ACER3: variants seen among roughly 807,000 people sequenced by gnomAD.
ACER3 encodes alkaline ceramidase 3, also known as alkCDase 3.
Under a neutral mutation model 48.9 loss-of-function variants are expected in ACER3, and 16 were observed. The observed-to-expected ratio is 0.33, with a 90% confidence interval of 0.22 to 0.50. The LOEUF is 0.50. ACER3 is among the 20% of genes least tolerant of loss of function. The pLI is 0.98. For missense variants in ACER3, 227 were observed against 326.0 expected (o/e 0.70, Z 2.34); for synonymous variants, 109 against 107.8 (o/e 1.01, Z -0.07).
At chr11:76,976,362 A>C (rs768113099) in intron 4 of ACER3, 21 bp downstream of exon 4, 2 of 1,472,026 alleles carry the variant, frequency 1.4e-6, no homozygotes, top group Non-Finnish European at 1.9e-6. Flanking sequence ...TTAAAATTTC[A>C]TTGTTTGATT....
chr11:76,903,912 C>T (rs1372644750), intron 1 of ACER3, among the ~76,000 whole-genome samples: 2 of 152,186 alleles, frequency 1.3e-5, no homozygotes, highest in Non-Finnish European at 2.9e-5. Flanking sequence ...ATTATTCTCT[C>T]TGAAGTCTCC....
chr11:76,949,121 T>G (rs1947564878), intron 2 of ACER3, among the ~76,000 whole-genome samples: 1 of 152,150 alleles, frequency 6.6e-6, no homozygotes, highest in African/African-American at 2.4e-5. Flanking sequence ...CTTGAAAAAC[T>G]TTGGCTGGTA....
chr11:76,979,995 A>G (rs1276841433), intron 4 of ACER3, among the ~76,000 whole-genome samples: 1 of 151,884 alleles, frequency 6.6e-6, no homozygotes, highest in Non-Finnish European at 1.5e-5. Context: ...AAAATTAGCC[A>G]GGCATGGTAG....
At chr11:76,894,431 T>A (rs1945881257) in intron 1 of ACER3, among the ~76,000 whole-genome samples, 1 of 152,192 alleles carries the variant, frequency 6.6e-6, no homozygotes, top group East Asian at 1.9e-4. Flanking sequence ...CATGTAATTG[T>A]CACAAAAATT....
intron 1 of ACER3, among the ~76,000 whole-genome samples, chr11:76,913,151 C>A (rs1306829721): frequency 1.3e-5 from 2 of 152,156 alleles, no homozygotes; most frequent in East Asian, 3.9e-4. Context: ...GGAATTCACT[C>A]ATGATTTGGC....
intron 1 of ACER3, among the ~76,000 whole-genome samples, chr11:76,918,077 C>CT (rs1239210788): frequency 6.6e-6 from 1 of 152,074 alleles, no homozygotes; most frequent in Admixed American, 6.6e-5. Flanking sequence ...GTTTACCTGT[C>CT]TGTCTTTCCT....
intron 3 of ACER3, among the ~76,000 whole-genome samples, chr11:76,967,677 C>G (rs938933603): frequency 1.2e-4 from 18 of 152,250 alleles, no homozygotes; most frequent in African/African-American, 3.6e-4. Flanking sequence ...ATAAACAGAA[C>G]CAAAGACAAA....
At chr11:76,928,361 G>A (rs1042966199) in intron 2 of ACER3, among the ~76,000 whole-genome samples, 1 of 152,024 alleles carries the variant, frequency 6.6e-6, no homozygotes, top group Admixed American at 6.6e-5. Flanking sequence ...CTGGATACTA[G>A]CCCTTTGTCA....
chr11:77,015,934 C>G (rs1395036308), intron 8 of ACER3, among the ~76,000 whole-genome samples: 4 of 152,020 alleles, frequency 2.6e-5, no homozygotes, highest in African/African-American at 9.7e-5. Flanking sequence ...TGGTGAAACC[C>G]TGTCTTTACT....
chr11:76,861,033 C>G lies in ACER3; in HGVS notation c.57C>G (p.Asp19Glu), dbSNP rs977724006. The G allele has an allele frequency of 6.5e-7, 1 of 1,548,456 alleles. No individual in the cohort carries two copies. The highest frequency in any genetic ancestry group is 8.7e-7 in the Non-Finnish European group (1 of 1,146,556). The change falls in exon 1 of 11, where the codon GAC (aspartate) becomes GAG (glutamate). Residue 19 changes from aspartate to glutamate, a missense_variant. Asp to Glu is a conservative substitution (Grantham distance 45). This residue lies in a region of ACER3 where 195 missense variants were observed against 290.8 expected (regional missense o/e 0.67). Coordinates refer to ENST00000532485, the MANE Select transcript of ACER3 (RefSeq NM_018367.7). ...GYWGPTTSTL[D>E]WCEENYSVTW... ...GGGGCCCCACGACCTCCACGCTGGA[C>G]TGGTGCGAGGAGAACTACTCCGTGA...
intron 1 of ACER3, among the ~76,000 whole-genome samples, chr11:76,913,697 T>C (rs1946446657): frequency 6.6e-6 from 1 of 151,986 alleles, no homozygotes; most frequent in Non-Finnish European, 1.5e-5. Flanking sequence ...TTGGAAAAAA[T>C]TACTTTAAAG....
chr11:76,957,390 C>T (rs970601050), intron 2 of ACER3: 5 of 382,276 alleles, frequency 1.3e-5, no homozygotes, highest in African/African-American at 1.1e-4. Context: ...TATATTGAAG[C>T]ACAGAATTAT....
Position 76,912,093 on chromosome 11 carries a change from T to A in ACER3, c.104-14464T>A, listed in dbSNP as rs1052513508. Reference sequence around the variant, plus strand: ...CAGGAACCTCAGAATGTGACCTTAATTGAAAATAAGCTCTTTGCAGATACA... The same window carrying A: ...CAGGAACCTCAGAATGTGACCTTAAATGAAAATAAGCTCTTTGCAGATACA... On this transcript the variant is annotated intron_variant, in intron 1 of 10. Transcript: ENST00000532485. 7.2e-5 allele frequency among the ~76,000 whole-genome samples: 11 copies of A among 152,224 alleles called. No individual in the cohort carries two copies. In the East Asian group the frequency reaches 2.1e-3, roughly 29 times the overall value.
chr11:76,990,263 A>G (rs996876346), intron 5 of ACER3, among the ~76,000 whole-genome samples: 1 of 152,114 alleles, frequency 6.6e-6, no homozygotes, highest in Non-Finnish European at 1.5e-5. Flanking sequence ...ATATATCCTT[A>G]TCTCTCCTTG....
At chr11:76,962,031 T>C (rs1483013401) in intron 3 of ACER3, among the ~76,000 whole-genome samples, 1 of 150,264 alleles carries the variant, frequency 6.7e-6, no homozygotes, top group East Asian at 1.9e-4. Flanking sequence ...AATATCTTTA[T>C]TTTATTATTT....
chr11:76,943,535 T>G (rs1193657278), intron 2 of ACER3, among the ~76,000 whole-genome samples: 3 of 152,102 alleles, frequency 2.0e-5, no homozygotes, highest in South Asian at 2.1e-4. Flanking sequence ...TTAATACGAT[T>G]TTGATTTTTT....
chr11:76,958,185 T>TC (rs1340913702), intron 2 of ACER3, among the ~76,000 whole-genome samples: 1 of 119,886 alleles, frequency 8.3e-6, no homozygotes, highest in African/African-American at 6.3e-5. Context: ...ATTAGCAACT[T>TC]TTTTTTTTTT....
intron 1 of ACER3, among the ~76,000 whole-genome samples, chr11:76,876,528 T>A (rs1397832278): frequency 6.6e-6 from 1 of 152,200 alleles, no homozygotes; most frequent in Non-Finnish European, 1.5e-5. Context: ...CTTGGGCAGA[T>A]CATTTTGTGG....
At chr11:77,000,807 T>A (rs1203839863) in intron 7 of ACER3, among the ~76,000 whole-genome samples, 1 of 152,216 alleles carries the variant, frequency 6.6e-6, no homozygotes, top group Non-Finnish European at 1.5e-5. Context: ...CAGTCTTGAT[T>A]ACTGTGGCCA....
Sources: allele counts gnomAD v4.1 joint callset (sites outside exome capture counted in the v4.1 genomes callset), GRCh38; gene constraint gnomAD v4.1.1; regional missense constraint gnomAD v4.1.1; transcripts MANE v1.5; gene names NCBI Gene and HGNC (gene_info 2026-07-23, HGNC 2026-07-21).